The following KCNAB1 variants were observed in gnomAD, a reference collection of about 807,000 sequenced individuals.
KCNAB1 encodes voltage-gated potassium channel subunit beta-1.
In KCNAB1, 35 loss-of-function variants were observed where a neutral mutation model predicts 64.6. The ratio of observed to expected loss-of-function variants is 0.54; its 90% CI spans 0.41 to 0.72. The LOEUF (loss-of-function observed/expected upper bound fraction) is 0.72. Among genes scored for constraint, KCNAB1 ranks in the 30% least tolerant of loss-of-function variants. The pLI is 0.00. For synonymous variants in KCNAB1, 177 were observed against 183.8 expected (o/e 0.96, Z 0.30); for missense variants, 401 against 512.9 (o/e 0.78, Z 2.11).
chr3:156,478,240 T>G (rs1182662014), intron 8 of KCNAB1, among the ~76,000 whole-genome samples: 1 of 152,184 alleles, frequency 6.6e-6, no homozygotes, highest in Non-Finnish European at 1.5e-5. Context: ...TTGGCTATTT[T>G]AGGTTCACTT....
At chr3:156,354,723 CA>C (rs11320799) in intron 1 of KCNAB1, among the ~76,000 whole-genome samples, 39,095 of 117,524 alleles carry the variant, frequency 0.33, 4,916 homozygotes, top group South Asian at 0.4. Flanking sequence ...ATCTCCCCTC[CA>C]AAAAAAAAAA....
intron 2 of KCNAB1, among the ~76,000 whole-genome samples, chr3:156,437,337 T>C (rs564686553): frequency 6.6e-6 from 1 of 152,336 alleles, no homozygotes; most frequent in South Asian, 2.1e-4. Flanking sequence ...TCTATTTCTA[T>C]TTGAATCTGG....
At chr3:156,370,303 A>T (rs1285489527) in intron 1 of KCNAB1, among the ~76,000 whole-genome samples, 1 of 152,234 alleles carries the variant, frequency 6.6e-6, no homozygotes, top group Non-Finnish European at 1.5e-5. Context: ...AGGGAGAAGC[A>T]GCAGAGCCAA....
intron 1 of KCNAB1, among the ~76,000 whole-genome samples, chr3:156,391,981 C>T (rs1328201169): frequency 2.6e-5 from 4 of 152,100 alleles, no homozygotes; most frequent in Non-Finnish European, 5.9e-5. Context: ...AGAAATACAT[C>T]GATTAGCTTG....
chr3:156,244,068 G>C (rs533095270), intron 1 of KCNAB1, among the ~76,000 whole-genome samples: 4 of 152,340 alleles, frequency 2.6e-5, no homozygotes, highest in African/African-American at 9.6e-5. Context: ...GCTTTAAGTT[G>C]TTGTAGGTGT....
intron 1 of KCNAB1, among the ~76,000 whole-genome samples, chr3:156,295,717 C>T (rs1042255897): frequency 6.6e-6 from 1 of 151,706 alleles, no homozygotes; most frequent in East Asian, 1.9e-4. Flanking sequence ...CCTTAGAGGG[C>T]TTTTTTTTCC....
intron 1 of KCNAB1, among the ~76,000 whole-genome samples, chr3:156,340,434 T>C (rs1319001134): frequency 6.6e-6 from 1 of 152,190 alleles, no homozygotes; most frequent in Non-Finnish European, 1.5e-5. Flanking sequence ...AGCACCTTTC[T>C]TGAGCATGCC....
intron 1 of KCNAB1, among the ~76,000 whole-genome samples, chr3:156,343,090 C>T (rs1162388354): frequency 2.6e-5 from 4 of 152,206 alleles, no homozygotes; most frequent in Non-Finnish European, 1.5e-5. Context: ...ATCTCTACTT[C>T]CCAGGCTGGA....
At chr3:156,525,749 C>T (rs1055219583) in intron 12 of KCNAB1, among the ~76,000 whole-genome samples, 3 of 152,182 alleles carry the variant, frequency 2.0e-5, no homozygotes, top group African/African-American at 4.8e-5. Flanking sequence ...CTCCTGACCT[C>T]GTGATCCGCC....
chr3:156,345,313 T>C (rs989756574), intron 1 of KCNAB1, among the ~76,000 whole-genome samples: 5 of 152,348 alleles, frequency 3.3e-5, no homozygotes, highest in African/African-American at 4.8e-5. Flanking sequence ...TAAGGAAATA[T>C]TCTATTTTTG....
At chr3:156,468,305 T>C (rs1042715448) in intron 7 of KCNAB1, among the ~76,000 whole-genome samples, 1 of 152,150 alleles carries the variant, frequency 6.6e-6, no homozygotes, top group Non-Finnish European at 1.5e-5. Flanking sequence ...AATGTATATA[T>C]ATGTATTCTT....
intron 8 of KCNAB1, among the ~76,000 whole-genome samples, chr3:156,501,506 A>G (rs1469740857): frequency 7.5e-6 from 1 of 133,614 alleles, no homozygotes; most frequent in Non-Finnish European, 1.5e-5. Flanking sequence ...GTCTTGGCTC[A>G]CTGCAACCTC....
At chr3:156,377,553 G>A (rs1292430141) in intron 1 of KCNAB1, among the ~76,000 whole-genome samples, 1 of 152,272 alleles carries the variant, frequency 6.6e-6, no homozygotes, top group African/African-American at 2.4e-5. Context: ...TTGTGTGTGA[G>A]GTGAAGGCCT....
chr3:156,147,940 GAC>G (rs6148150), intron 1 of KCNAB1, among the ~76,000 whole-genome samples: 7 of 146,028 alleles, frequency 4.8e-5, no homozygotes, highest in Non-Finnish European at 6.0e-5. Flanking sequence ...CACATGCCAA[GAC>G]ACACACACAC....
Position 156,292,154 on chromosome 3 carries a change from C to A in KCNAB1, c.276-129462C>A. Reference sequence around the variant, plus strand: ...GTATGCACGTAAGATTCCCTCTGTGCGGGGTATCCAGGTTCTATACAGGTG... The same window carrying A: ...GTATGCACGTAAGATTCCCTCTGTGAGGGGTATCCAGGTTCTATACAGGTG... On this transcript the variant is annotated intron_variant, in intron 1 of 13. Transcript: ENST00000490337. The A allele has an allele frequency of 2.5e-6, 4 of 1,611,490 alleles. No individual in the cohort carries two copies. The South Asian group carries it at 3.3e-5, about 13-fold the overall frequency.
intron 1 of KCNAB1, among the ~76,000 whole-genome samples, chr3:156,232,707 AT>A (rs1417838734): frequency 6.6e-6 from 1 of 152,250 alleles, no homozygotes; most frequent in African/African-American, 2.4e-5. Flanking sequence ...GTGTATAGGA[AT>A]TTTAATCTGG....
chr3:156,296,675 G>A (rs963860979), intron 1 of KCNAB1, among the ~76,000 whole-genome samples: 62 of 151,884 alleles, frequency 4.1e-4, no homozygotes, highest in African/African-American at 1.4e-3. Context: ...GGGTTTCACC[G>A]TGTTAGCCAG....
chr3:156,477,316 G>A (rs1714440968), intron 8 of KCNAB1, among the ~76,000 whole-genome samples: 1 of 152,070 alleles, frequency 6.6e-6, no homozygotes. Context: ...AAGCGGAATG[G>A]GAAGCTATTT....
chr3:156,326,578 A>G (rs568757949), intron 1 of KCNAB1, among the ~76,000 whole-genome samples: 1 of 152,200 alleles, frequency 6.6e-6, no homozygotes, highest in Middle Eastern at 3.4e-3. Context: ...AACTTCTCCA[A>G]CCTCAATTCT....
Sources: allele counts gnomAD v4.1 joint callset (sites outside exome capture counted in the v4.1 genomes callset), GRCh38; gene constraint gnomAD v4.1.1; transcripts MANE v1.5; gene names NCBI Gene and HGNC (gene_info 2026-07-23, HGNC 2026-07-21).